Variants in PRIM2 observed in about 807,000 individuals in gnomAD.
PRIM2 encodes DNA primase large subunit.
Under a neutral mutation model 67.3 loss-of-function variants are expected in PRIM2, and 39 were observed. The observed-to-expected ratio is 0.58, with a 90% CI of 0.45 to 0.76. PRIM2 has a LOEUF of 0.76. PRIM2 is among the 30% of genes least tolerant of loss of function. The pLI is 0.00. For synonymous variants in PRIM2, 143 were observed against 198.7 expected, an observed-to-expected ratio of 0.72 and a Z score of 2.36; for missense variants, 398 against 598.7, an observed-to-expected ratio of 0.66 and a Z score of 3.50.
At chr6:57,245,536 G>A in the PRIM2 span, among the ~76,000 whole-genome samples, 1 of 152,248 alleles carries the variant, frequency 6.6e-6, no homozygotes, top group South Asian at 2.1e-4. Flanking sequence ...CATCCACTTA[G>A]GCCTTGCTGT....
chr6:57,370,887 G>T (rs1769531315), intron 5 of PRIM2, among the ~76,000 whole-genome samples: 1 of 151,858 alleles, frequency 6.6e-6, no homozygotes, highest in Admixed American at 6.6e-5. Context: ...TAGTAAAGAT[G>T]GGGTTTCACC....
chr6:57,631,311 C>G (rs1452848220), intron 12 of PRIM2, among the ~76,000 whole-genome samples: 2 of 152,054 alleles, frequency 1.3e-5, no homozygotes, highest in African/African-American at 4.8e-5. Flanking sequence ...CTCTTAATTC[C>G]AGCATTTTAC....
chr6:57,479,251 G>A (rs1157505494), intron 7 of PRIM2, among the ~76,000 whole-genome samples: 1 of 152,210 alleles, frequency 6.6e-6, no homozygotes, highest in East Asian at 1.9e-4. Context: ...ACTGATTTGT[G>A]TGTTGGTTGA....
At chr6:57,273,296 T>C in the PRIM2 span, among the ~76,000 whole-genome samples, 1 of 152,208 alleles carries the variant, frequency 6.6e-6, no homozygotes, top group African/African-American at 2.4e-5. Context: ...TTTCACATAG[T>C]CCCATATTTC....
the PRIM2 span, among the ~76,000 whole-genome samples, chr6:57,237,649 C>A: frequency 6.6e-6 from 1 of 152,068 alleles, no homozygotes; most frequent in African/African-American, 2.4e-5. Flanking sequence ...GCCAGTTTTC[C>A]CAGCACCATT....
At chr6:57,522,993 T>C (rs1468941909) in intron 8 of PRIM2, among the ~76,000 whole-genome samples, 6 of 152,176 alleles carry the variant, frequency 3.9e-5, no homozygotes, top group African/African-American at 1.4e-4. Flanking sequence ...CTATTAATAC[T>C]TTGAGGTTAA....
intron 13 of PRIM2, among the ~76,000 whole-genome samples, chr6:57,634,227 A>G (rs1206159985): frequency 6.6e-6 from 1 of 152,210 alleles, no homozygotes; most frequent in East Asian, 1.9e-4. Flanking sequence ...GTTTATCTTC[A>G]TAGCATGGTA....
At chr6:57,549,876 G>A (rs1263019873) in intron 10 of PRIM2, among the ~76,000 whole-genome samples, 3 of 152,002 alleles carry the variant, frequency 2.0e-5, no homozygotes, top group East Asian at 3.9e-4. Flanking sequence ...ACCTGAGGTC[G>A]GGAGTTTGAG....
chr6:57,312,778 G>C (rs906443580), upstream of PRIM2, among the ~76,000 whole-genome samples: 5 of 152,092 alleles, frequency 3.3e-5, no homozygotes, highest in Admixed American at 2.6e-4. Context: ...GGACCATCAA[G>C]ACCATAAAGA....
At chr6:57,390,228 A>AT (rs1448107314) in intron 7 of PRIM2, 1 of 154,604 alleles carries the variant, frequency 6.5e-6, no homozygotes, top group Non-Finnish European at 1.5e-5. Flanking sequence ...AAAAAAAATC[A>AT]TTTTTCGGGG....
chr6:57,478,336 TG>T (rs1330467540), intron 7 of PRIM2, among the ~76,000 whole-genome samples: 5 of 126,478 alleles, frequency 4.0e-5, no homozygotes, highest in Non-Finnish European at 4.7e-5. Flanking sequence ...GTTTTTTTTT[TG>T]TTTTTTTTTT....
chr6:57,256,024 T>C, the PRIM2 span, among the ~76,000 whole-genome samples: 23 of 111,222 alleles, frequency 2.1e-4, no homozygotes, highest in East Asian at 9.9e-4. Context: ...CACACACACA[T>C]ACACACACAC....
intron 10 of PRIM2, among the ~76,000 whole-genome samples, chr6:57,548,807 T>C (rs1211531652): frequency 4.9e-4 from 74 of 152,278 alleles, no homozygotes; most frequent in African/African-American, 1.8e-3. Context: ...ACTGCTCATC[T>C]TTCCAATAAA....
intron 12 of PRIM2, among the ~76,000 whole-genome samples, chr6:57,627,253 C>T (rs1306069283): frequency 9.9e-6 from 1 of 100,878 alleles, no homozygotes; most frequent in Non-Finnish European, 1.8e-5. Context: ...GCCCTCCAGC[C>T]TGGGTGACAG....
chr6:57,490,552 TAATA>T (rs1414501601), intron 7 of PRIM2, among the ~76,000 whole-genome samples: 1 of 152,004 alleles, frequency 6.6e-6, no homozygotes, highest in Non-Finnish European at 1.5e-5. Context: ...AAAATAAACA[TAATA>T]AATGTATTCA....
At chr6:57,546,582 AT>A (rs1164271275) in intron 10 of PRIM2, among the ~76,000 whole-genome samples, 2 of 152,052 alleles carry the variant, frequency 1.3e-5, no homozygotes, top group African/African-American at 4.8e-5. Flanking sequence ...TACAGTAATA[AT>A]TCTTCCATTT....
At chr6:57,279,178 G>T in the PRIM2 span, among the ~76,000 whole-genome samples, 2 of 152,154 alleles carry the variant, frequency 1.3e-5, no homozygotes, top group African/African-American at 4.8e-5. Flanking sequence ...TCATGTTTCC[G>T]AGTCCTGTCT....
chr6:57,637,456 C>G (rs1207738580), intron 13 of PRIM2, among the ~76,000 whole-genome samples: 1 of 151,996 alleles, frequency 6.6e-6, no homozygotes, highest in African/African-American at 2.4e-5. Context: ...ATAACAACCT[C>G]CTCCGAACTA....
intron 5 of PRIM2, among the ~76,000 whole-genome samples, chr6:57,345,497 TGTGTGTGTG>T (rs1768645318): frequency 6.3e-5 from 5 of 79,716 alleles, no homozygotes; most frequent in East Asian, 2.7e-4. Flanking sequence ...TGTGTGTGTG[TGTGTGTGTG>T]TACATACATA....
Sources: allele counts gnomAD v4.1 joint callset (sites outside exome capture counted in the v4.1 genomes callset), GRCh38; gene constraint gnomAD v4.1.1; transcripts MANE v1.5; gene names NCBI Gene and HGNC (gene_info 2026-07-23, HGNC 2026-07-21).